PAPPA: variants seen among roughly 807,000 people sequenced by gnomAD.
PAPPA encodes pappalysin-1.
A neutral mutation model predicts 164.0 loss-of-function variants in PAPPA; 60 were observed. That is an observed-to-expected ratio of 0.37 (90% CI 0.30 to 0.45). The LOEUF (loss-of-function observed/expected upper bound fraction) is 0.45, where lower values mean the gene tolerates loss of function less well. Among genes scored for constraint, PAPPA ranks in the 20% least tolerant of loss-of-function variants. The probability of loss-of-function intolerance (pLI) is 1.00; values close to 1 mark genes in which losing one functional copy is unlikely to be tolerated. For synonymous variants in PAPPA, 875 were observed against 814.1 expected (o/e 1.07, Z -1.27); for missense variants, 1,782 against 2,087.3 (o/e 0.85, Z 2.85).
chr9:116,190,219 G>A (rs986872620), intron 2 of PAPPA, among the ~76,000 whole-genome samples: 1 of 152,206 alleles, frequency 6.6e-6, no homozygotes, highest in African/African-American at 2.4e-5. Context: ...TGATCAGTGT[G>A]CTCCACCAAA....
chr9:116,346,965 T>C, intron 14 of PAPPA, 61 bp from the exon 15 acceptor site: 1 of 1,403,930 alleles, frequency 7.1e-7, no homozygotes, highest in South Asian at 1.4e-5. Flanking sequence ...GGAAGAAGGG[T>C]ATTTCTCCAC....
intron 10 of PAPPA, among the ~76,000 whole-genome samples, chr9:116,304,027 T>G (rs1024425110): frequency 6.6e-6 from 1 of 152,184 alleles, no homozygotes; most frequent in Admixed American, 6.5e-5. Flanking sequence ...TGCTTAACAA[T>G]GTATAGTGCC....
rs1390545768 is a variant in PAPPA, at chr9:116,200,508, A to G, written c.1479-6948A>G. ...CCTCTTAGCCTTGGTTCCATCACCTATAAGTTGGGGATACTCTAGGGCTTT... is the reference window on the plus strand; with the variant it reads ...CCTCTTAGCCTTGGTTCCATCACCTGTAAGTTGGGGATACTCTAGGGCTTT... On this transcript the variant is annotated intron_variant, in intron 2 of 21. Transcript: ENST00000328252. Among the ~76,000 whole-genome samples the G allele has an allele frequency of 4.6e-5, 7 of 152,144 alleles. No homozygotes were observed. The East Asian group carries it at 7.7e-4, about 17-fold the overall frequency.
Position 116,362,735 on chromosome 9 carries a change from C to T in PAPPA, c.4491C>T (p.Ala1497=). 1 of 1,613,288 alleles carries T rather than the reference C, an allele frequency of 6.2e-7. No homozygotes were observed. ...AACTGCAGTGCCCTGATGGCTATGC[C>T]ATAGGTATGATGGGCCCGAGAGGGG... ...NLKLQCPDGY[A]IGSECATSCL... Residue 1497 remains alanine (A), a synonymous_variant, in exon 18 of 22, where the codon GCC becomes GCT. Coordinates refer to ENST00000328252, the MANE Select transcript of PAPPA (RefSeq NM_002581.5).
chr9:116,399,562 C>T lies in PAPPA; in HGVS notation c.*2946C>T, dbSNP rs868810259. On this transcript the variant is annotated 3_prime_UTR_variant, in exon 22 of 22. Coordinates refer to ENST00000328252, the MANE Select transcript of PAPPA (RefSeq NM_002581.5). ...TCAGCAGCTCAAAGGCCCTAAAACA[C>T]TGAAGGTTCTGCATCTGAAGTATTA... is the stretch of plus-strand genomic sequence containing the variant. 1 of 152,606 alleles carries T rather than the reference C, an allele frequency of 6.6e-6. No homozygotes were observed. The highest frequency in any genetic ancestry group is 1.5e-5 in the Non-Finnish European group (1 of 68,042). The allele number at this position is 152,606 out of a possible 1,614,324, so 9.5% of individuals were successfully genotyped here. A position where few individuals can be genotyped will look rare whatever the true frequency, so the allele number is the denominator to read the frequency against.
chr9:116,360,475 C>T (rs1220887255), intron 17 of PAPPA, among the ~76,000 whole-genome samples: 2 of 152,140 alleles, frequency 1.3e-5, no homozygotes, highest in Non-Finnish European at 2.9e-5. Context: ...CCTTTCTCTT[C>T]TGAATCTTGT....
intron 1 of PAPPA, among the ~76,000 whole-genome samples, chr9:116,178,316 C>T (rs374041110): frequency 2.0e-5 from 3 of 152,072 alleles, no homozygotes; most frequent in African/African-American, 7.2e-5. Context: ...TCATGTTGGC[C>T]AGGCTGGTCT....
At chr9:116,297,758 A>G (rs1845527573) in intron 9 of PAPPA, among the ~76,000 whole-genome samples, 1 of 152,200 alleles carries the variant, frequency 6.6e-6, no homozygotes, top group Non-Finnish European at 1.5e-5. Flanking sequence ...GGTAGAGAAA[A>G]GTAGAATCTC....
rs761862909 is a variant in PAPPA at position 116,367,629 on chromosome 9, G to A, written c.4496-16G>A. ...GTCTCGGGCCTGAGCTGCGCCTCAT[G>A]CTGTACTTCCCTCAGGGTCGGAGTG... On this transcript the variant is annotated splice_polypyrimidine_tract_variant and intron_variant, in intron 18 of 21. Transcript: ENST00000328252. 1 of 1,597,800 alleles carries A rather than the reference G, an allele frequency of 6.3e-7. No individual in the cohort carries two copies. Among genetic ancestry groups the A allele is most frequent in the South Asian group, 1.1e-5 (1 of 90,204 alleles).
intron 10 of PAPPA, among the ~76,000 whole-genome samples, chr9:116,317,405 C>T (rs778156852): frequency 4.6e-5 from 7 of 152,114 alleles, no homozygotes; most frequent in Non-Finnish European, 8.8e-5. Context: ...AAGACATCCC[C>T]CTTTAGTCTT....
chr9:116,396,022 T>C (rs967002966), intron 21 of PAPPA, among the ~76,000 whole-genome samples: 4 of 152,226 alleles, frequency 2.6e-5, no homozygotes, highest in Non-Finnish European at 5.9e-5. Context: ...ATGATTTTAC[T>C]CAGCTCCTAT....
In PAPPA at chr9:116,251,771, GA is replaced by G. The variant is rs149363691; in HGVS notation, c.2733-14079del. ...ACACATCGCCTTTGGTTGCATTCAG[GA>G]AAAAAACAAGAGTTCTTTGTAGATC... On this transcript the variant is annotated intron_variant, in intron 7 of 21. Transcript: ENST00000328252. Among the ~76,000 whole-genome samples the G allele has an allele frequency of 1.0e-3, 153 of 152,192 alleles. 3 individuals are homozygous for G. In the East Asian group the frequency reaches 0.026, roughly 25 times the overall value.
chr9:116,278,135 G>A (rs1406108770), intron 9 of PAPPA, among the ~76,000 whole-genome samples: 1 of 151,710 alleles, frequency 6.6e-6, no homozygotes, highest in Non-Finnish European at 1.5e-5. Flanking sequence ...TCTAGGCAGA[G>A]TCTACACATT....
In PAPPA at chr9:116,347,232, C is replaced by T. The variant is rs1356276885; in HGVS notation, c.3964+23C>T. ...AAGGTATCAAGAACGCCTTCCCCAG[C>T]TCAGCCTTCCTTTGTCTATGGGAAA... On this transcript the variant is annotated intron_variant, in intron 15 of 21. Coordinates refer to ENST00000328252, the MANE Select transcript of PAPPA (RefSeq NM_002581.5). The surrounding 1 kb of genome is among the most constrained non-coding windows in gnomAD (Gnocchi z 4.5). 1.9e-6 allele frequency: 3 copies of T among 1,581,908 alleles called. No homozygotes were observed. The highest frequency in any genetic ancestry group is 1.3e-5 in the African/African-American group (1 of 74,176).
intron 7 of PAPPA, among the ~76,000 whole-genome samples, chr9:116,263,880 G>A (rs1314778460): frequency 2.0e-5 from 3 of 152,134 alleles, no homozygotes; most frequent in East Asian, 3.9e-4. Flanking sequence ...CAAATCACTC[G>A]TGACACATGC....
intron 9 of PAPPA, among the ~76,000 whole-genome samples, chr9:116,292,774 A>G (rs1056407903): frequency 6.6e-6 from 1 of 152,150 alleles, no homozygotes; most frequent in Non-Finnish European, 1.5e-5. Context: ...TAAAATTTTT[A>G]TTTAGAAACT....
chr9:116,174,195 C>G (rs1843805938), intron 1 of PAPPA, among the ~76,000 whole-genome samples: 1 of 152,184 alleles, frequency 6.6e-6, no homozygotes, highest in Non-Finnish European at 1.5e-5. Flanking sequence ...CGGTAAGCAT[C>G]AGCTGTCATT....
intron 21 of PAPPA, among the ~76,000 whole-genome samples, chr9:116,391,921 A>G (rs16933484): frequency 0.032 from 4,928 of 152,152 alleles, 104 homozygotes; most frequent in East Asian, 0.074. Context: ...CAGAGCTCTG[A>G]TTTTATCAAG....
At chr9:116,263,550 T>C (rs779038912) in intron 7 of PAPPA, among the ~76,000 whole-genome samples, 102 of 152,210 alleles carry the variant, frequency 6.7e-4, no homozygotes, top group Non-Finnish European at 1.1e-3. Context: ...CCATTAATTG[T>C]AATGGATTAA....
Sources: gnomAD v4.1 joint callset for allele counts (sites outside exome capture counted in the v4.1 genomes callset) on GRCh38, gnomAD v4.1.1 for gene constraint, Gnocchi (gnomAD v3.1) non-coding constraint, MANE v1.5 for transcripts, NCBI Gene and HGNC (gene_info 2026-07-23, HGNC 2026-07-21) for gene names.